The following ACTR3C variants were observed in gnomAD, a reference collection of about 807,000 sequenced individuals.
ACTR3C encodes the protein actin-related protein 3C.
Under a neutral mutation model 26.3 loss-of-function variants are expected in ACTR3C, and 18 were observed. The ratio of observed to expected loss-of-function variants is 0.68; its 90% CI spans 0.47 to 1.01. ACTR3C has a LOEUF of 1.01. Ranked by LOEUF, ACTR3C falls within the 50% of genes least tolerant of loss-of-function variation. ACTR3C has a pLI of 0.00. For synonymous variants in ACTR3C, 55 were observed against 94.5 expected, an observed-to-expected ratio of 0.58 and a Z score of 2.42; for missense variants, 184 against 250.7, an observed-to-expected ratio of 0.73 and a Z score of 1.80.
chr7:150,031,764 G>C, the ACTR3C span, among the ~76,000 whole-genome samples: 4 of 152,190 alleles, frequency 2.6e-5, no homozygotes, highest in African/African-American at 9.6e-5. Context: ...AACTGCTTAC[G>C]TAGTGGTATT....
the ACTR3C span, among the ~76,000 whole-genome samples, chr7:150,036,084 C>T: frequency 3.4e-5 from 3 of 88,142 alleles, no homozygotes; most frequent in East Asian, 2.6e-4. Context: ...GGGGTGCTCC[C>T]CCCCCTGCGA....
At chr7:150,034,066 C>T in the ACTR3C span, among the ~76,000 whole-genome samples, 48 of 151,196 alleles carry the variant, frequency 3.2e-4, 1 homozygote, top group Admixed American at 2.9e-3. Context: ...GAGTCCCCGC[C>T]TCGCGGGGGG....
chr7:150,083,674 T>C, the ACTR3C span, among the ~76,000 whole-genome samples: 1 of 152,346 alleles, frequency 6.6e-6, no homozygotes, highest in Admixed American at 6.5e-5. Flanking sequence ...TCTTGATGAT[T>C]CCTTTTCTCC....
the ACTR3C span, among the ~76,000 whole-genome samples, chr7:150,051,548 A>G: frequency 0.19 from 19,032 of 99,038 alleles, 29 homozygotes; most frequent in Middle Eastern, 0.27. Flanking sequence ...GATGAAGCAG[A>G]TTTTTATTCC....
At chr7:150,013,884 C>A in the ACTR3C span, among the ~76,000 whole-genome samples, 1 of 152,210 alleles carries the variant, frequency 6.6e-6, no homozygotes, top group Admixed American at 6.5e-5. Context: ...CAACGCTATT[C>A]TCCTTCAGAA....
the ACTR3C span, among the ~76,000 whole-genome samples, chr7:150,016,971 T>C: frequency 1.3e-5 from 2 of 152,106 alleles, no homozygotes; most frequent in African/African-American, 4.8e-5. Flanking sequence ...GAAGTCAACA[T>C]GGTGGATTGA....
the ACTR3C span, among the ~76,000 whole-genome samples, chr7:150,003,759 G>T: frequency 6.6e-6 from 1 of 152,206 alleles, no homozygotes; most frequent in Non-Finnish European, 1.5e-5. Context: ...GTGGTGTATG[G>T]TGTACAGTGT....
At chr7:150,145,986 G>T in the ACTR3C span, among the ~76,000 whole-genome samples, 1 of 150,782 alleles carries the variant, frequency 6.6e-6, no homozygotes, top group Admixed American at 6.6e-5. Flanking sequence ...ATTTGCTAAT[G>T]TAATAATAAA....
At chr7:150,186,589 G>GC in the ACTR3C span, among the ~76,000 whole-genome samples, 1 of 152,028 alleles carries the variant, frequency 6.6e-6, no homozygotes, top group Admixed American at 6.6e-5. Context: ...CTTACCAGCA[G>GC]CCCACAGTGA....
At chr7:149,886,503 A>G in the ACTR3C span, among the ~76,000 whole-genome samples, 1 of 151,930 alleles carries the variant, frequency 6.6e-6, no homozygotes, top group African/African-American at 2.4e-5. Flanking sequence ...AAAGCAGAGT[A>G]TTGAGAGGGA....
intron 1 of ACTR3C, among the ~76,000 whole-genome samples, chr7:150,308,966 AC>A (rs1349026690): frequency 6.6e-6 from 1 of 152,122 alleles, no homozygotes; most frequent in Non-Finnish European, 1.5e-5. Context: ...CTACAATTTA[AC>A]CTGGAGTGAT....
the ACTR3C span, among the ~76,000 whole-genome samples, chr7:150,227,706 T>TTG: frequency 2.1e-5 from 3 of 145,804 alleles, no homozygotes; most frequent in African/African-American, 7.8e-5. Context: ...TTTTTGTTTT[T>TTG]TTTTTTTGGT....
intron 7 of ACTR3C, 74 bp from the exon 8 acceptor site, chr7:150,247,643 A>G (rs2129608877): frequency 1.5e-5 from 2 of 137,844 alleles, no homozygotes; most frequent in Middle Eastern, 7.0e-3. Context: ...ATTTAAGGTT[A>G]ATGTAGTTTT....
At chr7:150,226,437 T>C in the ACTR3C span, among the ~76,000 whole-genome samples, 2 of 152,108 alleles carry the variant, frequency 1.3e-5, no homozygotes, top group African/African-American at 4.8e-5. Flanking sequence ...TTGTTGTTGT[T>C]GTTGTTTGTT....
At chr7:150,054,127 C>T in the ACTR3C span, among the ~76,000 whole-genome samples, 1 of 152,180 alleles carries the variant, frequency 6.6e-6, no homozygotes, top group Non-Finnish European at 1.5e-5. Flanking sequence ...TGAGTAGCAG[C>T]GTCTTCTTTC....
chr7:150,043,237 C>CA, the ACTR3C span, among the ~76,000 whole-genome samples: 18 of 151,292 alleles, frequency 1.2e-4, no homozygotes, highest in African/African-American at 4.4e-4. Flanking sequence ...CACAGTCCTC[C>CA]AGGTGGTTCC....
chr7:150,289,599 G>T lies in ACTR3C; in HGVS notation c.154-6C>A, dbSNP rs1440301128. 2 of 1,564,262 alleles carry T rather than the reference G, an allele frequency of 1.3e-6. No homozygotes were observed. The highest frequency in any genetic ancestry group is 1.2e-5 in the South Asian group (1 of 81,246). ...CCAATTACATAACCTTCTGCCTAGG[G>T]AAGAAGAGGAGGCAGAACAGCTGTG... On this transcript the variant is annotated splice_region_variant and splice_polypyrimidine_tract_variant and intron_variant, in intron 3 of 7. Coordinates refer to ENST00000683684, the MANE Select transcript of ACTR3C (RefSeq NM_001164458.2).
chr7:150,059,158 G>T, the ACTR3C span, among the ~76,000 whole-genome samples: 1 of 152,186 alleles, frequency 6.6e-6, no homozygotes, highest in Non-Finnish European at 1.5e-5. Context: ...ACCAGGATAG[G>T]TCGCTAAGCA....
the ACTR3C span, among the ~76,000 whole-genome samples, chr7:150,035,191 C>A: frequency 2.3e-5 from 3 of 129,986 alleles, no homozygotes; most frequent in African/African-American, 9.9e-5. Flanking sequence ...GGCTCTCAGT[C>A]CCCGCCTCAC....
Sources: allele counts gnomAD v4.1 joint callset (sites outside exome capture counted in the v4.1 genomes callset), GRCh38; gene constraint gnomAD v4.1.1; transcripts MANE v1.5; gene names NCBI Gene and HGNC (gene_info 2026-07-23, HGNC 2026-07-21).